Variants in PPP2R5E observed in about 807,000 individuals in gnomAD.
The protein encoded by PPP2R5E is protein phosphatase 2 regulatory subunit B'epsilon, also known as serine/threonine-protein phosphatase 2A 56 kDa regulatory subunit epsilon isoform.
In PPP2R5E, 4 loss-of-function variants were observed where a neutral mutation model predicts 65.3. The ratio of observed to expected loss-of-function variants is 0.06; its 90% CI spans 0.03 to 0.14. PPP2R5E has a LOEUF of 0.14. PPP2R5E is among the 10% of genes least tolerant of loss of function. The pLI is 1.00. For missense variants in PPP2R5E, 274 were observed against 556.1 expected, an observed-to-expected ratio of 0.49 and a Z score of 5.10; for synonymous variants, 183 against 187.4, an observed-to-expected ratio of 0.98 and a Z score of 0.19.
At chr14:63,489,477 A>G (rs1019564360) in intron 2 of PPP2R5E, among the ~76,000 whole-genome samples, 2 of 150,260 alleles carry the variant, frequency 1.3e-5, no homozygotes, top group African/African-American at 4.9e-5. Context: ...TGGCCCGATC[A>G]TGGCTCACTG....
rs1360700019 is a variant in PPP2R5E at position 63,506,184 on chromosome 14, C to T, written c.157+33345G>A. ...CAAAAAGATTGGCCGGGCGCAGTGG[C>T]TCAAGCCTGTAATCCTAGCACTTTG... is the stretch of plus-strand genomic sequence containing the variant. On this transcript the variant is annotated intron_variant, in intron 2 of 13. Transcript: ENST00000337537. Among the ~76,000 whole-genome samples the T allele has an allele frequency of 3.3e-5, 5 of 152,300 alleles. No homozygotes were observed. The South Asian group carries it at 1.0e-3, about 32-fold the overall frequency.
At chr14:63,432,142 A>G (rs1042151889) in intron 3 of PPP2R5E, among the ~76,000 whole-genome samples, 2 of 152,126 alleles carry the variant, frequency 1.3e-5, no homozygotes, top group African/African-American at 2.4e-5. Context: ...TTGGCCATGT[A>G]CTATTTTCAT....
chr14:63,503,454 C>T (rs1891998207), intron 2 of PPP2R5E, among the ~76,000 whole-genome samples: 1 of 152,118 alleles, frequency 6.6e-6, no homozygotes, highest in African/African-American at 2.4e-5. Flanking sequence ...GACTGCATAT[C>T]CCCCAGGTAA....
chr14:63,389,300 T>C (rs1338646859), intron 11 of PPP2R5E, among the ~76,000 whole-genome samples: 1 of 152,120 alleles, frequency 6.6e-6, no homozygotes, highest in Non-Finnish European at 1.5e-5. Context: ...AGCCCACTTA[T>C]TTAGAAATTA....
At chr14:63,478,466 C>G (rs569898533) in intron 2 of PPP2R5E, among the ~76,000 whole-genome samples, 189 of 152,072 alleles carry the variant, frequency 1.2e-3, no homozygotes, top group Non-Finnish European at 2.3e-3. Context: ...AAAAGTGGCA[C>G]CATTTTACAC....
chr14:63,481,041 T>G (rs1231582939), intron 2 of PPP2R5E, among the ~76,000 whole-genome samples: 1 of 152,198 alleles, frequency 6.6e-6, no homozygotes, highest in African/African-American at 2.4e-5. Flanking sequence ...TAACCAATTG[T>G]CATCAAAAAT....
At chr14:63,460,970 T>A (rs1021453427) in intron 2 of PPP2R5E, among the ~76,000 whole-genome samples, 10 of 152,248 alleles carry the variant, frequency 6.6e-5, no homozygotes, top group African/African-American at 2.4e-4. Context: ...CAACACTGCA[T>A]GTTATCCCTC....
chr14:63,522,905 A>AGGTCGGGG (rs1893003370), intron 2 of PPP2R5E, among the ~76,000 whole-genome samples: 1 of 120,604 alleles, frequency 8.3e-6, no homozygotes, highest in Non-Finnish European at 1.7e-5. Flanking sequence ...TCCGGGAGGG[A>AGGTCGGGG]GGTCGGGGGG....
chr14:63,523,304 G>A (rs1040976432), intron 2 of PPP2R5E, among the ~76,000 whole-genome samples: 9 of 152,144 alleles, frequency 5.9e-5, no homozygotes, highest in African/African-American at 1.9e-4. Context: ...AAATCGGATG[G>A]TTGCCGTGTT....
rs370719363 is a variant in PPP2R5E at position 63,396,567 on chromosome 14, C to T, written c.680+19G>A. On this transcript the variant is annotated intron_variant, in intron 6 of 13. Coordinates refer to ENST00000337537, the MANE Select transcript of PPP2R5E (RefSeq NM_006246.5). ...CACCAACTTTGCTTCTCCTTCTTCC[C>T]CCATCACACTCCACTTACCTTAGAA... is the stretch of plus-strand genomic sequence containing the variant. 3 of 1,609,810 alleles carry T rather than the reference C, an allele frequency of 1.9e-6. No homozygotes were observed. Among genetic ancestry groups the T allele is most frequent in the Middle Eastern group, 2.1e-4 (1 of 4,732 alleles).
chr14:63,497,295 C>G (rs1891616996), intron 2 of PPP2R5E, among the ~76,000 whole-genome samples: 1 of 152,008 alleles, frequency 6.6e-6, no homozygotes, highest in South Asian at 2.1e-4. Context: ...AATTAAGAAC[C>G]CTGGATCTGA....
intron 5 of PPP2R5E, among the ~76,000 whole-genome samples, chr14:63,408,997 C>T (rs1346822952): frequency 1.3e-5 from 2 of 151,996 alleles, no homozygotes; most frequent in Non-Finnish European, 2.9e-5. Flanking sequence ...TTTGGGAGGC[C>T]GAGGCAGGTG....
chr14:63,507,465 A>G (rs761537461), intron 2 of PPP2R5E, among the ~76,000 whole-genome samples: 26 of 151,962 alleles, frequency 1.7e-4, no homozygotes, highest in Non-Finnish European at 2.9e-4. Context: ...TAAAAATACC[A>G]GCGTTTAGAA....
intron 5 of PPP2R5E, among the ~76,000 whole-genome samples, chr14:63,410,062 T>C (rs1886314454): frequency 1.3e-5 from 2 of 152,224 alleles, no homozygotes; most frequent in South Asian, 4.1e-4. Flanking sequence ...TGCTTTTGTA[T>C]TCACTGACAG....
intron 2 of PPP2R5E, among the ~76,000 whole-genome samples, chr14:63,461,196 A>G (rs1294006110): frequency 6.6e-6 from 1 of 152,224 alleles, no homozygotes; most frequent in African/African-American, 2.4e-5. Flanking sequence ...GCCAGGAGGG[A>G]AAGAACCGAG....
At chr14:63,400,689 C>T (rs1251891687) in intron 5 of PPP2R5E, among the ~76,000 whole-genome samples, 3 of 3,188 alleles carry the variant, frequency 9.4e-4, no homozygotes, top group Non-Finnish European at 2.6e-3. Flanking sequence ...GGCATGTGGC[C>T]CCAACCAGCC....
chr14:63,381,562 C>G (rs901233576), intron 13 of PPP2R5E, among the ~76,000 whole-genome samples: 3 of 150,480 alleles, frequency 2.0e-5, no homozygotes, highest in Admixed American at 2.0e-4. Flanking sequence ...TGTCAGGAAG[C>G]TTTGTTACTC....
At chr14:63,404,754 C>CT (rs1205091658) in intron 5 of PPP2R5E, among the ~76,000 whole-genome samples, 1 of 152,250 alleles carries the variant, frequency 6.6e-6, no homozygotes, top group Non-Finnish European at 1.5e-5. Context: ...TTCAAGCATT[C>CT]TTTCCACAAA....
chr14:63,422,729 T>TAAAAAAAA (rs567590182), intron 3 of PPP2R5E, among the ~76,000 whole-genome samples: 4 of 88,196 alleles, frequency 4.5e-5, no homozygotes, highest in Admixed American at 1.4e-4. Context: ...TCCGTCTATT[T>TAAAAAAAA]AAAAAAAAAA....
Sources: gnomAD v4.1 joint callset for allele counts (sites outside exome capture counted in the v4.1 genomes callset) on GRCh38, gnomAD v4.1.1 for gene constraint, MANE v1.5 for transcripts, NCBI Gene and HGNC (gene_info 2026-07-23, HGNC 2026-07-21) for gene names.